SLC5A5: variants seen among roughly 807,000 people sequenced by gnomAD.
The protein encoded by SLC5A5 is sodium/iodide cotransporter.
In SLC5A5, 56 loss-of-function variants were observed where a neutral mutation model predicts 68.6. That is an observed-to-expected ratio of 0.82 (90% CI 0.66 to 1.02). The LOEUF (loss-of-function observed/expected upper bound fraction) is 1.02. Among genes scored for constraint, SLC5A5 ranks in the 50% least tolerant of loss-of-function variants. The pLI is 0.00. For synonymous variants in SLC5A5, 398 were observed against 373.0 expected (o/e 1.07, Z -0.77); for missense variants, 807 against 859.8 (o/e 0.94, Z 0.77).
At chr19:17,889,214 T>G (rs1460852857) in intron 13 of SLC5A5, among the ~76,000 whole-genome samples, 1 of 151,686 alleles carries the variant, frequency 6.6e-6, no homozygotes, top group East Asian at 1.9e-4. Flanking sequence ...CCGGCCAACA[T>G]GGTGAAACCC....
rs740695 is a variant in SLC5A5 at position 17,872,752 on chromosome 19, C to T, written c.357+76C>T. 70,941 of 956,714 alleles carry T rather than the reference C, an allele frequency of 0.074. 3,573 individuals carry two copies. Among genetic ancestry groups the T allele is most frequent in the Admixed American group, 0.18 (10,436 of 56,958 alleles). 59.3% of individuals were successfully genotyped at this position (956,714 alleles called of 1,614,324 possible). A position where few individuals can be genotyped will look rare whatever the true frequency, so the allele number is the denominator to read the frequency against. Reference sequence around the variant, plus strand: ...ACCCCGTGTGGGGGAGGCGCTGGGGCTTTGGGCCGCTGTACAGGAGGACGC... The same window carrying T: ...ACCCCGTGTGGGGGAGGCGCTGGGGTTTTGGGCCGCTGTACAGGAGGACGC... On this transcript the variant is annotated intron_variant, in intron 1 of 14. Coordinates refer to ENST00000222248, the MANE Select transcript of SLC5A5 (RefSeq NM_000453.3).
In SLC5A5 at chr19:17,893,740, A is replaced by C; in HGVS notation, c.1795A>C (p.Lys599Gln). The change falls in exon 15 of 15, where the codon AAG becomes CAG. Residue 599 changes from lysine to glutamine, a missense_variant. Lys to Gln is a moderately conservative substitution (Grantham distance 53). Transcript: ENST00000222248. Reference sequence around the variant, plus strand: ...TCCTGAAGAACTCCCCACTGGAAACAAGAAGCCCCCTGGCTTCCTGCCCAC... The same window carrying C: ...TCCTGAAGAACTCCCCACTGGAAACCAGAAGCCCCCTGGCTTCCTGCCCAC... ...KGPEELPTGN[K>Q]KPPGFLPTNE... 1 of 1,614,032 alleles carries C rather than the reference A, an allele frequency of 6.2e-7. No homozygotes were observed. Among genetic ancestry groups the C allele is most frequent in the East Asian group, 2.2e-5 (1 of 44,878 alleles).
chr19:17,876,031 G>A lies in SLC5A5; in HGVS notation c.623G>A (p.Arg208His), dbSNP rs759875523. The A allele has an allele frequency of 1.7e-5, 27 of 1,614,068 alleles. No individual in the cohort carries two copies. Among genetic ancestry groups the A allele is most frequent in the East Asian group, 2.2e-5 (1 of 44,896 alleles). Residue 208 changes from arginine (R) to histidine (H), a missense_variant, in exon 5 of 15, where the codon CGC (arginine) becomes CAC (histidine). Physicochemically the swap from Arg to His is conservative, Grantham distance 29. Coordinates refer to ENST00000222248, the MANE Select transcript of SLC5A5 (RefSeq NM_000453.3). ...MLSGFWVVLA[R>H]GVMLVGGPRQ... Reference sequence around the variant, plus strand: ...AGTGGCTTCTGGGTTGTCCTGGCACGCGGTGTCATGCTTGTGGGCGGGCCC... The same window carrying A: ...AGTGGCTTCTGGGTTGTCCTGGCACACGGTGTCATGCTTGTGGGCGGGCCC...
At chr19:17,888,530 G>GCGTCCTTTCTCCCCTCCCT in intron 13 of SLC5A5, 75 bp downstream of exon 13, 3 of 1,561,840 alleles carry the variant, frequency 1.9e-6, no homozygotes, top group Non-Finnish European at 2.6e-6. Flanking sequence ...CCAGCAGGGA[G>GCGTCCTTTCTCCCCTCCCT]GGGAGAAAGG....
rs932229539 is a variant in SLC5A5, at chr19:17,874,434, C to A, written c.424-60C>A. The A allele has an allele frequency of 3.9e-6, 6 of 1,526,708 alleles. No individual in the cohort carries two copies. In the South Asian group the frequency reaches 6.7e-5, roughly 17 times the overall value. The allele number at this position is 1,526,708 out of a possible 1,614,324, so 94.6% of individuals were successfully genotyped here. ...CTGGGACCACCCTTCTGCCTCCTCT[C>A]CCCATCCCCAACTCGCCCAGACGCC... On this transcript the variant is annotated intron_variant, in intron 2 of 14. Transcript: ENST00000222248.
rs769229896 is a variant in SLC5A5 at position 17,878,059 on chromosome 19, C to T, written c.935C>T (p.Pro312Leu). Reference sequence around the variant, plus strand: ...TTTGTGTTCTACACTGACTGCGACCCTCTCCTCCTGGGGCGCATCTCTGCC... The same window carrying T: ...TTTGTGTTCTACACTGACTGCGACCTTCTCCTCCTGGGGCGCATCTCTGCC... ...VMFVFYTDCD[P>L]LLLGRISAPD... The change falls in exon 7 of 15, where the codon CCT becomes CTT. Residue 312 changes from proline to leucine, a missense_variant. By Grantham distance (98) the Pro-to-Leu change is moderately conservative. Coordinates refer to ENST00000222248, the MANE Select transcript of SLC5A5 (RefSeq NM_000453.3). 1 of 1,612,752 alleles carries T rather than the reference C, an allele frequency of 6.2e-7. No individual in the cohort carries two copies. Among genetic ancestry groups the T allele is most frequent in the South Asian group, 1.1e-5 (1 of 91,082 alleles).
chr19:17,886,911 A>G (rs1265932665), intron 12 of SLC5A5, among the ~76,000 whole-genome samples: 1 of 152,146 alleles, frequency 6.6e-6, no homozygotes, highest in Non-Finnish European at 1.5e-5. Context: ...CTCTATAAAA[A>G]TAAAAATGAA....
intron 12 of SLC5A5, 100 bp from the exon 13 acceptor site, chr19:17,888,231 G>A: frequency 1.4e-6 from 2 of 1,425,356 alleles, no homozygotes; most frequent in South Asian, 2.3e-5. Flanking sequence ...GCTAGGCCAT[G>A]GCAGTTGGGG....
At chr19:17,887,023 G>A (rs1255704010) in intron 12 of SLC5A5, among the ~76,000 whole-genome samples, 1 of 152,024 alleles carries the variant, frequency 6.6e-6, no homozygotes, top group Admixed American at 6.6e-5. Flanking sequence ...CTGCAGTGAA[G>A]CATGATCCCA....
In SLC5A5 at chr19:17,890,879, C is replaced by G; in HGVS notation, c.1652-7C>G. 1 of 1,604,954 alleles carries G rather than the reference C, an allele frequency of 6.2e-7. No individual in the cohort carries two copies. On this transcript the variant is annotated splice_region_variant and splice_polypyrimidine_tract_variant and intron_variant, in intron 13 of 14. Coordinates refer to ENST00000222248, the MANE Select transcript of SLC5A5 (RefSeq NM_000453.3). ...CCTGGATTTCTCCATTTCTCCCCGC[C>G]TCTCAGGCCCCACCAAGCGCAGCAC...
chr19:17,886,309 C>CTT (rs34377658), intron 12 of SLC5A5, among the ~76,000 whole-genome samples: 166 of 128,548 alleles, frequency 1.3e-3, no homozygotes, highest in Non-Finnish European at 1.8e-3. Flanking sequence ...AATTCTTTAA[C>CTT]TTTTTTTTTT....
chr19:17,876,827 A>C (rs1176782855), intron 5 of SLC5A5, among the ~76,000 whole-genome samples: 1 of 150,316 alleles, frequency 6.7e-6, no homozygotes, highest in Non-Finnish European at 1.5e-5. Context: ...GCATCACTGC[A>C]CTCCCGCCTG....
Position 17,872,450 on chromosome 19 carries a change from C to T in SLC5A5, c.131C>T (p.Ala44Val), listed in dbSNP as rs752436289. 20 of 1,610,532 alleles carry T rather than the reference C, an allele frequency of 1.2e-5. No individual in the cohort carries two copies. The highest frequency in any genetic ancestry group is 1.7e-5 in the Non-Finnish European group (20 of 1,178,954). Residue 44 changes from alanine (A) to valine (V), a missense_variant, in exon 1 of 15, where the codon GCT (alanine) becomes GTT (valine). Physicochemically the swap from Ala to Val is moderately conservative, Grantham distance 64 (BLOSUM62 0). Coordinates refer to ENST00000222248, the MANE Select transcript of SLC5A5 (RefSeq NM_000453.3). ...CTGGCTCGGGGCGGGCAGCGCAGCG[C>T]TGAGGACTTCTTCACCGGGGGCCGG... is the stretch of plus-strand genomic sequence containing the variant. ...VGLARGGQRS[A>V]EDFFTGGRRL...
At chr19:17,874,319 A>AC (rs1248025741) in intron 2 of SLC5A5, 116 bp downstream of exon 2, 5 of 341,584 alleles carry the variant, frequency 1.5e-5, no homozygotes, top group Admixed American at 3.9e-5. Context: ...TCCCGTTCTG[A>AC]CCCCGCCCCC....
chr19:17,890,651 C>A (rs2030129857), intron 13 of SLC5A5, among the ~76,000 whole-genome samples: 1 of 152,122 alleles, frequency 6.6e-6, no homozygotes, highest in Non-Finnish European at 1.5e-5. Context: ...TTGCCTTAGA[C>A]TCCCAAAGTG....
At chr19:17,886,276 G>C (rs1229857728) in intron 12 of SLC5A5, among the ~76,000 whole-genome samples, 2 of 150,418 alleles carry the variant, frequency 1.3e-5, no homozygotes, top group Non-Finnish European at 3.0e-5. Context: ...ATACCTATGA[G>C]TGGAATTGCT....
chr19:17,877,659 G>T (rs1265281269), intron 5 of SLC5A5, 64 bp from the exon 6 acceptor site: 1 of 1,603,502 alleles, frequency 6.2e-7, no homozygotes, highest in African/African-American at 1.3e-5. Context: ...GCTGTCTGGG[G>T]CCCTTGGGAG....
chr19:17,890,956 G>A lies in SLC5A5; in HGVS notation c.1722G>A (p.Val574=), dbSNP rs547001671. The change falls in exon 14 of 15, where the codon GTG becomes GTA. Residue 574 remains valine, a synonymous_variant. Coordinates refer to ENST00000222248, the MANE Select transcript of SLC5A5 (RefSeq NM_000453.3). The part of the protein sequence containing the change: ...WWDLARQTAS[V]APKEEVAILD... ...ACCTCGCACGGCAGACAGCATCAGT[G>A]GCCCCCAAGGAAGAAGTGGCCATCC... 434 of 1,614,042 alleles carry A rather than the reference G, an allele frequency of 2.7e-4. 5 individuals carry two copies. The South Asian group carries it at 4.5e-3, about 17-fold the overall frequency.
chr19:17,893,285 T>C (rs906450679), intron 14 of SLC5A5, among the ~76,000 whole-genome samples: 4 of 151,790 alleles, frequency 2.6e-5, no homozygotes, highest in Non-Finnish European at 4.4e-5. Flanking sequence ...TTATTTTTGG[T>C]AGAGATGGGG....
Sources: gnomAD v4.1 joint callset for allele counts (sites outside exome capture counted in the v4.1 genomes callset) on GRCh38, gnomAD v4.1.1 for gene constraint, MANE v1.5 for transcripts, NCBI Gene and HGNC (gene_info 2026-07-23, HGNC 2026-07-21) for gene names.